Variants in GSDME observed in about 807,000 individuals in gnomAD.
GSDME encodes the protein gasdermin E, also known as gasdermin-E.
GSDME carries 44 observed loss-of-function variants against 47.5 expected under a neutral mutation model. The observed-to-expected ratio is 0.93, with a 90% confidence interval of 0.73 to 1.19. The LOEUF is 1.19. Ranked by LOEUF, GSDME falls within the 50% of genes most tolerant of loss-of-function variation. GSDME has a pLI of 0.00. For synonymous variants in GSDME, 258 were observed against 252.8 expected (o/e 1.02, Z -0.20); for missense variants, 663 against 604.2 (o/e 1.10, Z -1.02).
the GSDME span, among the ~76,000 whole-genome samples, chr7:24,782,252 T>C: frequency 7.4e-6 from 1 of 134,874 alleles, no homozygotes; most frequent in East Asian, 2.2e-4. Context: ...GTGTGTGATG[T>C]TCCCCTTCCT....
intron 8 of GSDME, chr7:24,703,333 G>A (rs569717654): frequency 7.6e-5 from 20 of 261,594 alleles, no homozygotes; most frequent in African/African-American, 4.4e-4. Context: ...GGAAAATGCA[G>A]TGTAGCTTTA....
At chr7:24,785,898 A>G in the GSDME span, among the ~76,000 whole-genome samples, 1 of 152,220 alleles carries the variant, frequency 6.6e-6, no homozygotes, top group African/African-American at 2.4e-5. Context: ...CCGTCTCACA[A>G]TCCCTCAATA....
chr7:24,713,680 C>A (rs1271248696), intron 5 of GSDME, among the ~76,000 whole-genome samples: 1 of 152,238 alleles, frequency 6.6e-6, no homozygotes, highest in Non-Finnish European at 1.5e-5. Flanking sequence ...TGACATGGTG[C>A]AGACTGCATT....
the GSDME span, among the ~76,000 whole-genome samples, chr7:24,764,003 A>G: frequency 2.0e-5 from 3 of 152,336 alleles, no homozygotes; most frequent in South Asian, 2.1e-4. The surrounding 1 kb of genome is among the most constrained non-coding windows in gnomAD (Gnocchi z 4.4). Context: ...CCTGATTCCA[A>G]GAGTTATCTA....
rs1320590192 is a variant in GSDME at position 24,721,830 on chromosome 7, C to G, written c.405-2612G>C. 6.6e-6 allele frequency among the ~76,000 whole-genome samples: 1 copy of G among 152,176 alleles called. No individual in the cohort carries two copies. The highest frequency in any genetic ancestry group is 2.4e-5 in the African/African-American group (1 of 41,444). On this transcript the variant is annotated intron_variant, in intron 3 of 9. Coordinates refer to ENST00000645220, the MANE Select transcript of GSDME (RefSeq NM_001127453.2). The surrounding 1 kb of genome is among the most constrained non-coding windows in gnomAD (Gnocchi z 4.1). ...CTGAGGCCCCATGTGATCTGCCCTGCCCCCTGTTGACTTTATCTTCCAGCC... is the reference window on the plus strand; with the variant it reads ...CTGAGGCCCCATGTGATCTGCCCTGGCCCCTGTTGACTTTATCTTCCAGCC...
At chr7:24,718,183 C>G (rs532269084) in intron 4 of GSDME, among the ~76,000 whole-genome samples, 74 of 152,350 alleles carry the variant, frequency 4.9e-4, no homozygotes, top group Middle Eastern at 3.4e-3. Flanking sequence ...TGCTACCCAG[C>G]CCCAACCCAG....
upstream of GSDME, chr7:24,757,929 GAGT>G (rs943708534): frequency 1.3e-5 from 2 of 152,420 alleles, no homozygotes; most frequent in African/African-American, 2.4e-5. The surrounding 1 kb of genome is among the most constrained non-coding windows in gnomAD (Gnocchi z 5.9). Context: ...CCCGTGCCTG[GAGT>G]AGTATCTGGG....
chr7:24,706,458 A>G, intron 7 of GSDME, 82 bp from the exon 8 acceptor site: 2 of 1,389,412 alleles, frequency 1.4e-6, no homozygotes, highest in African/African-American at 2.9e-5. Flanking sequence ...CAGTACACAC[A>G]AGCCCCAGCC....
chr7:24,707,272 ACAAAACT>A (rs1562688512), intron 7 of GSDME: 1 of 468,040 alleles, frequency 2.1e-6, no homozygotes, highest in South Asian at 1.6e-5. Context: ...AGAACAAAAA[ACAAAACT>A]GTAGTCAAAA....
At position 24,708,230 on chromosome 7, in the gene GSDME, A is replaced by C. The variant is rs147480137; in HGVS notation, c.887T>G (p.Phe296Cys). The change falls in exon 7 of 10, where the codon TTC (phenylalanine) becomes TGC (cysteine). Residue 296 changes from phenylalanine to cysteine, a missense_variant. By Grantham distance (205) the Phe-to-Cys change is radical. Transcript: ENST00000645220. ...CTCAGGCAGCTCCGCAAATGGATGG[A>C]AATTCCTCTCCAGGAGCAGGGTCGC... is the stretch of plus-strand genomic sequence containing the variant. ...KQATLLLERN[F>C]HPFAELPEPQ... is the part of the protein sequence containing the mutation. The C allele has an allele frequency of 2.5e-6, 4 of 1,614,022 alleles. No homozygotes were observed. Among genetic ancestry groups the C allele is most frequent in the Non-Finnish European group, 3.4e-6 (4 of 1,180,028 alleles).
chr7:24,712,443 GCCA>G lies in GSDME; in HGVS notation c.698-2058_698-2056del, dbSNP rs1307818449. Among the ~76,000 whole-genome samples the G allele has an allele frequency of 6.6e-6, 1 of 152,150 alleles. No homozygotes were observed. Among genetic ancestry groups the G allele is most frequent in the Admixed American group, 6.5e-5 (1 of 15,284 alleles). On this transcript the variant is annotated intron_variant, in intron 5 of 9. Coordinates refer to ENST00000645220, the MANE Select transcript of GSDME (RefSeq NM_001127453.2). The surrounding 1 kb of genome is among the most constrained non-coding windows in gnomAD (Gnocchi z 4.4). ...CACCCATGCATAGCTCCCTGAGGGC[GCCA>G]CCAATTAATTCCTTCATTCTTTTCA...
At chr7:24,713,974 G>T (rs1789451168) in intron 5 of GSDME, among the ~76,000 whole-genome samples, 3 of 152,192 alleles carry the variant, frequency 2.0e-5, no homozygotes, top group Admixed American at 6.5e-5. Context: ...GCGAGGTGGG[G>T]AAGCAGGGAG....
rs1790628838 is a variant in GSDME at position 24,745,171 on chromosome 7, AT to A, written c.212-418del. Among the ~76,000 whole-genome samples the A allele has an allele frequency of 6.6e-6, 1 of 152,186 alleles. No individual in the cohort carries two copies. The highest frequency in any genetic ancestry group is 1.5e-5 in the Non-Finnish European group (1 of 68,032). On this transcript the variant is annotated intron_variant, in intron 2 of 9. Transcript: ENST00000645220. This position sits in a 1 kb window ranked among gnomAD's most constrained non-coding sequence, Gnocchi z 4.4. ...TAAAGTTAGCGCCTGTTTAACCACT[AT>A]CCAGGTGGATCAATAGACCATTTTA...
intron 5 of GSDME, chr7:24,715,378 G>A: frequency 2.2e-6 from 1 of 452,650 alleles, no homozygotes; most frequent in Non-Finnish European, 4.6e-6. Context: ...AACCATGCTG[G>A]GTGATGGATG....
chr7:24,748,729 G>A (rs749193977), intron 2 of GSDME, among the ~76,000 whole-genome samples: 24 of 151,976 alleles, frequency 1.6e-4, no homozygotes, highest in Non-Finnish European at 2.9e-4. Context: ...CAGGTGCTCT[G>A]TCCATGGTGT....
At chr7:24,791,186 G>C in the GSDME span, among the ~76,000 whole-genome samples, 29 of 152,176 alleles carry the variant, frequency 1.9e-4, 1 homozygote, top group Admixed American at 7.9e-4. This position sits in a 1 kb window ranked among gnomAD's most constrained non-coding sequence, Gnocchi z 4.8. Context: ...CACAGTCTGG[G>C]GTCCTTTTCA....
chr7:24,726,388 C>T lies in GSDME; in HGVS notation c.405-7170G>A, dbSNP rs781672896. On this transcript the variant is annotated intron_variant, in intron 3 of 9. Coordinates refer to ENST00000645220, the MANE Select transcript of GSDME (RefSeq NM_001127453.2). This position sits in a 1 kb window ranked among gnomAD's most constrained non-coding sequence, Gnocchi z 5.6. The stretch of plus-strand genomic sequence containing the variant: ...AGGGCGAGCTTTGTCATGCAGACCC[C>T]ACACTTCAACTCTCCTTCATTCATC... Among the ~76,000 whole-genome samples the T allele has an allele frequency of 3.3e-5, 5 of 152,146 alleles. No homozygotes were observed. Among genetic ancestry groups the T allele is most frequent in the African/African-American group, 9.7e-5 (4 of 41,414 alleles).
the GSDME span, among the ~76,000 whole-genome samples, chr7:24,782,215 C>G: frequency 8.9e-5 from 11 of 124,204 alleles, no homozygotes; most frequent in Non-Finnish European, 1.2e-4. Context: ...ATCCCTCCCC[C>G]CTCCCCCCAC....
At chr7:24,701,564 T>A (rs1788871370) in intron 9 of GSDME, among the ~76,000 whole-genome samples, 1 of 152,014 alleles carries the variant, frequency 6.6e-6, no homozygotes, top group Non-Finnish European at 1.5e-5. Flanking sequence ...TGGGAAGGAC[T>A]AACTTAGTAA....
Sources: gnomAD v4.1 joint callset for allele counts (sites outside exome capture counted in the v4.1 genomes callset) on GRCh38, gnomAD v4.1.1 for gene constraint, Gnocchi (gnomAD v3.1) non-coding constraint, MANE v1.5 for transcripts, NCBI Gene and HGNC (gene_info 2026-07-23, HGNC 2026-07-21) for gene names.